ADAMTS20: variants seen among roughly 807,000 people sequenced by gnomAD.
ADAMTS20 encodes ADAM metallopeptidase with thrombospondin type 1 motif 20, also known as A disintegrin and metalloproteinase with thrombospondin motifs 20.
Under a neutral mutation model 260.1 loss-of-function variants are expected in ADAMTS20, and 225 were observed. That is an observed-to-expected ratio of 0.87 (90% CI 0.78 to 0.97). The LOEUF (loss-of-function observed/expected upper bound fraction) is 0.97, where lower values mean the gene tolerates loss of function less well. Ranked by LOEUF, ADAMTS20 falls within the 50% of genes least tolerant of loss-of-function variation. The probability of loss-of-function intolerance (pLI) is 0.00; values close to 1 mark genes in which losing one functional copy is unlikely to be tolerated. For synonymous variants in ADAMTS20, 802 were observed against 769.5 expected (o/e 1.04, Z -0.70); for missense variants, 2,400 against 2,337.7 (o/e 1.03, Z -0.55).
intron 6 of ADAMTS20, among the ~76,000 whole-genome samples, chr12:43,492,226 AAAAATTAG>A (rs1482953931): frequency 2.4e-4 from 37 of 151,850 alleles, no homozygotes; most frequent in Non-Finnish European, 5.0e-4. Context: ...TAAAAATACA[AAAAATTAG>A]CCGGGCGTGG....
chr12:43,391,540 A>C (rs4310670), intron 29 of ADAMTS20, among the ~76,000 whole-genome samples: 115,848 of 152,046 alleles, frequency 0.76, 45,256 homozygotes, highest in East Asian at 1. Context: ...CCAACGTTAA[A>C]AAAGTGTAGA....
chr12:43,457,084 G>T (rs1356138712), intron 11 of ADAMTS20, among the ~76,000 whole-genome samples: 1 of 152,156 alleles, frequency 6.6e-6, no homozygotes, highest in Non-Finnish European at 1.5e-5. Context: ...GACACCAATA[G>T]CCAGTTCTTA....
intron 3 of ADAMTS20, among the ~76,000 whole-genome samples, chr12:43,511,631 T>G (rs543438715): frequency 6.6e-6 from 1 of 152,180 alleles, no homozygotes; most frequent in South Asian, 2.1e-4. Flanking sequence ...ATCTTCAGGG[T>G]AGGAACAATA....
chr12:43,365,433 A>G (rs939331807), intron 37 of ADAMTS20, among the ~76,000 whole-genome samples: 2 of 151,984 alleles, frequency 1.3e-5, no homozygotes, highest in Admixed American at 6.6e-5. Flanking sequence ...CAAGGTGTAT[A>G]TAAGTATATT....
intron 36 of ADAMTS20, among the ~76,000 whole-genome samples, chr12:43,375,172 C>CAAAAA (rs58169338): frequency 9.6e-5 from 6 of 62,294 alleles, no homozygotes; most frequent in East Asian, 5.2e-4. Flanking sequence ...AACTGCGTCT[C>CAAAAA]AAAAAAAAAA....
At chr12:43,450,918 C>G (rs145390896) in intron 14 of ADAMTS20, among the ~76,000 whole-genome samples, 2 of 152,156 alleles carry the variant, frequency 1.3e-5, no homozygotes, top group East Asian at 3.9e-4. Context: ...ACCATATGAT[C>G]CAGCAACCTC....
chr12:43,534,314 G>A (rs537560215), intron 2 of ADAMTS20, among the ~76,000 whole-genome samples: 13 of 151,852 alleles, frequency 8.6e-5, no homozygotes, highest in South Asian at 2.1e-4. Flanking sequence ...AAAAGTGGGC[G>A]AAGGACATGA....
intron 28 of ADAMTS20, among the ~76,000 whole-genome samples, chr12:43,424,458 G>T (rs1592061111): frequency 6.6e-6 from 1 of 152,138 alleles, no homozygotes; most frequent in South Asian, 2.1e-4. Context: ...TTAAACTTTT[G>T]CATGACATAT....
intron 19 of ADAMTS20, chr12:43,433,782 G>T (rs963246449): frequency 6.2e-6 from 3 of 487,526 alleles, no homozygotes; most frequent in Non-Finnish European, 1.2e-5. Context: ...GTATAAACTT[G>T]CTGTCATGAT....
intron 11 of ADAMTS20, among the ~76,000 whole-genome samples, chr12:43,459,549 T>G (rs1462808050): frequency 6.6e-6 from 1 of 152,242 alleles, no homozygotes; most frequent in African/African-American, 2.4e-5. Flanking sequence ...TTGGGAGCTC[T>G]GGGAGCAAGG....
intron 14 of ADAMTS20, among the ~76,000 whole-genome samples, chr12:43,450,805 A>G (rs1173575250): frequency 6.6e-6 from 1 of 152,178 alleles, no homozygotes; most frequent in East Asian, 1.9e-4. Flanking sequence ...AAGAATATCA[A>G]TACATTAAGG....
intron 38 of ADAMTS20, among the ~76,000 whole-genome samples, 185 bp downstream of exon 38, chr12:43,356,299 A>G (rs1312562534): frequency 6.6e-6 from 1 of 152,208 alleles, no homozygotes; most frequent in Admixed American, 6.5e-5. Flanking sequence ...GCACATTAAT[A>G]CAAATGAATC....
chr12:43,517,288 G>T (rs2137474530), intron 3 of ADAMTS20, among the ~76,000 whole-genome samples: 1 of 152,042 alleles, frequency 6.6e-6, no homozygotes, highest in South Asian at 2.1e-4. Flanking sequence ...TGATTACCAA[G>T]GTACCGAATC....
chr12:43,467,483 T>C (rs1942175627), intron 8 of ADAMTS20, among the ~76,000 whole-genome samples: 2 of 152,072 alleles, frequency 1.3e-5, no homozygotes, highest in South Asian at 2.1e-4. Flanking sequence ...CTAAAATTTG[T>C]ATTTAAACAA....
intron 7 of ADAMTS20, among the ~76,000 whole-genome samples, chr12:43,479,059 G>T (rs1343104386): frequency 1.3e-5 from 2 of 152,144 alleles, no homozygotes; most frequent in Non-Finnish European, 2.9e-5. Flanking sequence ...GAGAGTTGAA[G>T]AACTGGTTGT....
chr12:43,516,237 T>A (rs1239040453), intron 3 of ADAMTS20, among the ~76,000 whole-genome samples: 1 of 141,474 alleles, frequency 7.1e-6, no homozygotes, highest in Non-Finnish European at 1.7e-5. Context: ...CCATGAACCA[T>A]CCTCCTTTTG....
At chr12:43,515,519 C>A (rs976831037) in intron 3 of ADAMTS20, among the ~76,000 whole-genome samples, 1 of 152,104 alleles carries the variant, frequency 6.6e-6, no homozygotes, top group Non-Finnish European at 1.5e-5. Context: ...TCTGAAAGAG[C>A]TTTTGACTGA....
chr12:43,431,095 T>C (rs532814582), intron 22 of ADAMTS20, among the ~76,000 whole-genome samples: 9 of 152,366 alleles, frequency 5.9e-5, no homozygotes, highest in African/African-American at 2.2e-4. Context: ...ATAAAGTCTG[T>C]AGCATTTTGG....
chr12:43,460,184 G>T (rs760873543), intron 11 of ADAMTS20, among the ~76,000 whole-genome samples: 1 of 152,168 alleles, frequency 6.6e-6, no homozygotes, highest in Admixed American at 6.5e-5. Context: ...TCCACATGAT[G>T]CTACCCCAAA....
Sources: allele counts gnomAD v4.1 joint callset (sites outside exome capture counted in the v4.1 genomes callset), GRCh38; gene constraint gnomAD v4.1.1; transcripts MANE v1.5; gene names NCBI Gene and HGNC (gene_info 2026-07-23, HGNC 2026-07-21).